The following EBF1 variants were observed in gnomAD, a reference collection of about 807,000 sequenced individuals.
The protein encoded by EBF1 is EBF transcription factor 1.
A neutral mutation model predicts 68.4 loss-of-function variants in EBF1; 10 were observed. The ratio of observed to expected loss-of-function variants is 0.15; its 90% CI spans 0.09 to 0.25. EBF1 has a LOEUF of 0.25. EBF1 is among the 10% of genes least tolerant of loss of function. EBF1 has a pLI of 1.00. For missense variants in EBF1, 509 were observed against 794.4 expected, an observed-to-expected ratio of 0.64 and a Z score of 4.32; for synonymous variants, 298 against 299.8, an observed-to-expected ratio of 0.99 and a Z score of 0.06.
At chr5:158,888,326 T>C (rs1159102204) in intron 6 of EBF1, among the ~76,000 whole-genome samples, 1 of 152,112 alleles carries the variant, frequency 6.6e-6, no homozygotes, top group Non-Finnish European at 1.5e-5. Flanking sequence ...TCTGACTTAA[T>C]ATCAAAATAC....
intron 10 of EBF1, among the ~76,000 whole-genome samples, chr5:158,764,379 A>G (rs1399071438): frequency 6.6e-6 from 1 of 152,234 alleles, no homozygotes; most frequent in Non-Finnish European, 1.5e-5. Context: ...ATCTATAAAG[A>G]CATCAACAAC....
intron 10 of EBF1, among the ~76,000 whole-genome samples, chr5:158,732,490 CTT>C (rs1431474524): frequency 6.6e-6 from 1 of 152,000 alleles, no homozygotes. Context: ...CAATAGAACT[CTT>C]TAACTTGTCA....
At chr5:158,995,573 C>G (rs774658831) in intron 6 of EBF1, among the ~76,000 whole-genome samples, 1 of 152,126 alleles carries the variant, frequency 6.6e-6, no homozygotes, top group East Asian at 1.9e-4. Flanking sequence ...GAGGAAAAAG[C>G]CCCGAACAGG....
chr5:158,886,194 T>A (rs908625161), intron 6 of EBF1, among the ~76,000 whole-genome samples: 10 of 152,370 alleles, frequency 6.6e-5, no homozygotes, highest in African/African-American at 2.4e-4. Context: ...ATTCAAGGCA[T>A]GCCTGTCATC....
intron 6 of EBF1, among the ~76,000 whole-genome samples, chr5:158,902,907 C>T (rs1241276633): frequency 1.3e-5 from 2 of 152,176 alleles, no homozygotes; most frequent in Non-Finnish European, 2.9e-5. Flanking sequence ...CGGTTAGAGA[C>T]TTTGCTGGGT....
chr5:158,800,180 A>G (rs1341782428), intron 8 of EBF1, among the ~76,000 whole-genome samples: 1 of 152,186 alleles, frequency 6.6e-6, no homozygotes, highest in Non-Finnish European at 1.5e-5. Context: ...AATTCTATAA[A>G]CTGATATGGA....
At chr5:159,077,246 C>A (rs1438133120) in intron 5 of EBF1, among the ~76,000 whole-genome samples, 1 of 152,112 alleles carries the variant, frequency 6.6e-6, no homozygotes, top group East Asian at 1.9e-4. Flanking sequence ...ACTAGCCTGG[C>A]CAACACGGTG....
chr5:159,011,935 C>T (rs1764746149), intron 6 of EBF1, among the ~76,000 whole-genome samples: 1 of 152,218 alleles, frequency 6.6e-6, no homozygotes, highest in Non-Finnish European at 1.5e-5. Flanking sequence ...AGCCACTTGG[C>T]TTTGCATCAC....
intron 9 of EBF1, among the ~76,000 whole-genome samples, chr5:158,795,514 G>C (rs1779454603): frequency 2.6e-5 from 4 of 152,174 alleles, no homozygotes; most frequent in Admixed American, 2.6e-4. Flanking sequence ...TGAACCCTAT[G>C]GTACCTTGTA....
At chr5:159,056,431 C>T (rs1004421890) in intron 6 of EBF1, among the ~76,000 whole-genome samples, 1 of 152,192 alleles carries the variant, frequency 6.6e-6, no homozygotes. Flanking sequence ...CTCCCTCTAG[C>T]TTACCAGGCG....
intron 9 of EBF1, among the ~76,000 whole-genome samples, chr5:158,795,115 G>A (rs922338072): frequency 1.3e-5 from 2 of 152,182 alleles, no homozygotes; most frequent in Non-Finnish European, 2.9e-5. Context: ...GGCTTACAAA[G>A]AACAGCGTCT....
Position 158,976,418 on chromosome 5 carries a change from T to A in EBF1, c.554+96978A>T, listed in dbSNP as rs148165899. ...ACAATAAATCACTAGGAATGTAAAA[T>A]ACACTACACTTCCCCACCCCCACCC... On this transcript the variant is annotated intron_variant, in intron 6 of 15. Coordinates refer to ENST00000313708, the MANE Select transcript of EBF1 (RefSeq NM_024007.5). Among the ~76,000 whole-genome samples, 134 of 151,282 alleles carry A rather than the reference T, an allele frequency of 8.9e-4. 2 individuals are homozygous for A. The East Asian group carries it at 0.018, about 20-fold the overall frequency.
intron 1 of EBF1, chr5:159,097,510 T>G (rs1318476536): frequency 7.4e-6 from 2 of 268,620 alleles, no homozygotes; most frequent in Non-Finnish European, 1.4e-5. Context: ...CCCACAGTTA[T>G]ATTCCGGCAC....
intron 6 of EBF1, among the ~76,000 whole-genome samples, chr5:158,915,406 A>C (rs1272256953): frequency 6.6e-6 from 1 of 152,258 alleles, no homozygotes; most frequent in Non-Finnish European, 1.5e-5. Flanking sequence ...GTAAGAAGAA[A>C]CAATGCAAAA....
At chr5:159,021,092 C>T (rs1766591203) in intron 6 of EBF1, among the ~76,000 whole-genome samples, 1 of 152,272 alleles carries the variant, frequency 6.6e-6, no homozygotes, top group Middle Eastern at 3.4e-3. Flanking sequence ...GTTCATTATT[C>T]GAGCTCAGTA....
chr5:158,911,258 C>T (rs563181288), intron 6 of EBF1, among the ~76,000 whole-genome samples: 6 of 152,264 alleles, frequency 3.9e-5, no homozygotes, highest in African/African-American at 9.6e-5. Context: ...CCTTCTTCAG[C>T]GTACTCTTTC....
intron 6 of EBF1, among the ~76,000 whole-genome samples, chr5:158,959,293 A>ATT (rs11404732): frequency 0.016 from 2,253 of 144,692 alleles, 35 homozygotes; most frequent in Non-Finnish European, 0.027. Context: ...CTACTTAAGA[A>ATT]TTTTTTTTTT....
intron 6 of EBF1, among the ~76,000 whole-genome samples, chr5:158,908,807 G>C (rs1368535649): frequency 6.6e-6 from 1 of 152,212 alleles, no homozygotes; most frequent in African/African-American, 2.4e-5. Context: ...CTCATACTGA[G>C]AACCAGGACG....
At chr5:158,942,523 T>A (rs1029506564) in intron 6 of EBF1, among the ~76,000 whole-genome samples, 3 of 152,222 alleles carry the variant, frequency 2.0e-5, no homozygotes, top group African/African-American at 7.2e-5. Flanking sequence ...TCCTTATTAA[T>A]ATTGTATGTT....
Sources: allele counts gnomAD v4.1 joint callset (sites outside exome capture counted in the v4.1 genomes callset), GRCh38; gene constraint gnomAD v4.1.1; transcripts MANE v1.5; gene names NCBI Gene and HGNC (gene_info 2026-07-23, HGNC 2026-07-21).